Variants in SEMA6A observed in about 807,000 individuals in gnomAD.
The protein encoded by SEMA6A is semaphorin 6A.
SEMA6A carries 25 observed loss-of-function variants against 96.8 expected under a neutral mutation model. The observed-to-expected ratio is 0.26, with a 90% CI of 0.19 to 0.36. The LOEUF (loss-of-function observed/expected upper bound fraction) is 0.36. Among genes scored for constraint, SEMA6A ranks in the 10% least tolerant of loss-of-function variants. SEMA6A has a pLI of 1.00. For synonymous variants in SEMA6A, 612 were observed against 518.0 expected, an observed-to-expected ratio of 1.18 and a Z score of -2.46; for missense variants, 1,363 against 1,323.1, an observed-to-expected ratio of 1.03 and a Z score of -0.47.
chr5:116,452,937 A>C (rs1754736064), intron 18 of SEMA6A, among the ~76,000 whole-genome samples: 1 of 152,242 alleles, frequency 6.6e-6, no homozygotes, highest in Non-Finnish European at 1.5e-5. Context: ...GCAGGGAAGA[A>C]GGCAAGTGCT....
chr5:116,484,267 AC>A (rs1429654786), intron 10 of SEMA6A, among the ~76,000 whole-genome samples: 3 of 152,198 alleles, frequency 2.0e-5, no homozygotes, highest in Admixed American at 1.3e-4. Flanking sequence ...CCTCGTAATA[AC>A]TAAAGATATC....
In SEMA6A at chr5:116,444,507, A is replaced by G. The variant is rs1316861280; in HGVS notation, c.*2106T>C. ...GAGACCACCAAATATACTGTTTAAA[A>G]AAACAACAACAACACTGCTCATGGT... On this transcript the variant is annotated 3_prime_UTR_variant, in exon 19 of 19. Transcript: ENST00000343348. The G allele has an allele frequency of 6.6e-6, 1 of 152,120 alleles. No individual in the cohort carries two copies. Among genetic ancestry groups the G allele is most frequent in the Non-Finnish European group, 1.5e-5 (1 of 67,880 alleles). The allele number at this position is 152,120 out of a possible 1,614,324, so 9.4% of individuals were successfully genotyped here. A position where few individuals can be genotyped will look rare whatever the true frequency, so the allele number is the denominator to read the frequency against.
chr5:116,447,006 T>C lies in SEMA6A; in HGVS notation c.2700A>G (p.Leu900=). The change falls in exon 19 of 19, where the codon CTA becomes CTG. Residue 900 remains leucine, a synonymous_variant. Coordinates refer to ENST00000343348, the MANE Select transcript of SEMA6A (RefSeq NM_020796.5). ...AGTGGTGCATTTCCAGCCGCTTGCT[T>C]AGACCGGTCTGAGACAGGGAGGCTC... ...PPGASLSQTG[L]SKRLEMHHSS... is the part of the protein sequence containing the mutation. 1 of 1,613,882 alleles carries C rather than the reference T, an allele frequency of 6.2e-7. No individual in the cohort carries two copies. Among genetic ancestry groups the C allele is most frequent in the Non-Finnish European group, 8.5e-7 (1 of 1,179,862 alleles).
intron 2 of SEMA6A, among the ~76,000 whole-genome samples, chr5:116,503,655 A>G (rs971178994): frequency 1.1e-4 from 17 of 151,838 alleles, no homozygotes; most frequent in African/African-American, 4.1e-4. Flanking sequence ...AACTACAGGC[A>G]TGCACCACCA....
At chr5:116,572,230 C>T (rs1360455774) in intron 1 of SEMA6A, among the ~76,000 whole-genome samples, 2 of 152,100 alleles carry the variant, frequency 1.3e-5, no homozygotes, top group East Asian at 1.9e-4. Flanking sequence ...CGAGTGTGTG[C>T]GTGTGTGTGT....
At chr5:116,478,206 G>A (rs1013422830) in intron 13 of SEMA6A, 52 bp from the exon 14 acceptor site, 36 of 1,581,552 alleles carry the variant, frequency 2.3e-5, no homozygotes, top group Non-Finnish European at 2.7e-5. Flanking sequence ...TCTTTTTCTC[G>A]GCCCCACCCT....
At chr5:116,548,280 C>T (rs1760268377) in intron 1 of SEMA6A, among the ~76,000 whole-genome samples, 1 of 150,978 alleles carries the variant, frequency 6.6e-6, no homozygotes, top group Non-Finnish European at 1.5e-5. Context: ...ATGCCATGCC[C>T]AAGGTGGCTG....
intron 10 of SEMA6A, among the ~76,000 whole-genome samples, chr5:116,483,762 A>C (rs536207400): frequency 1.3e-5 from 2 of 152,310 alleles, no homozygotes; most frequent in Non-Finnish European, 2.9e-5. Context: ...TCACAGAATT[A>C]AGTGTATAAG....
intron 2 of SEMA6A, 81 bp from the exon 3 acceptor site, chr5:116,502,408 G>T: frequency 8.3e-7 from 1 of 1,208,368 alleles, no homozygotes. Context: ...AGGGAGACAG[G>T]TCACAAAAGA....
At chr5:116,453,142 C>T (rs1213887690) in intron 18 of SEMA6A, among the ~76,000 whole-genome samples, 1 of 152,208 alleles carries the variant, frequency 6.6e-6, no homozygotes, top group African/African-American at 2.4e-5. Flanking sequence ...TGAGTAATAG[C>T]AAATGGTCTA....
chr5:116,461,480 C>T (rs1182951237), intron 18 of SEMA6A, among the ~76,000 whole-genome samples: 2 of 96,810 alleles, frequency 2.1e-5, no homozygotes, highest in Non-Finnish European at 5.2e-5. Context: ...TGAAATAAAG[C>T]TTAGGCTTAA....
chr5:116,485,074 A>G (rs73254616), intron 10 of SEMA6A, among the ~76,000 whole-genome samples: 3,047 of 152,326 alleles, frequency 0.02, 108 homozygotes, highest in African/African-American at 0.069. Flanking sequence ...CAGAGGGACT[A>G]TAATTTATAG....
intron 7 of SEMA6A, among the ~76,000 whole-genome samples, chr5:116,491,522 T>TA (rs1028010812): frequency 5.3e-5 from 8 of 152,248 alleles, no homozygotes; most frequent in African/African-American, 1.9e-4. Context: ...GCTATGCTGT[T>TA]ATCCTTTCCT....
At chr5:116,466,597 G>A (rs1755773781) in intron 18 of SEMA6A, among the ~76,000 whole-genome samples, 2 of 152,138 alleles carry the variant, frequency 1.3e-5, no homozygotes, top group African/African-American at 4.8e-5. Flanking sequence ...TGACCGGAAA[G>A]CATTGTCTAA....
intron 1 of SEMA6A, among the ~76,000 whole-genome samples, chr5:116,559,874 C>T (rs1561536862): frequency 6.6e-6 from 1 of 152,186 alleles, no homozygotes; most frequent in African/African-American, 2.4e-5. Flanking sequence ...AACTCACAGT[C>T]CTAGCAGATT....
intron 1 of SEMA6A, among the ~76,000 whole-genome samples, chr5:116,513,354 C>T (rs141070930): frequency 0.013 from 2,027 of 152,094 alleles, 45 homozygotes; most frequent in African/African-American, 0.042. Flanking sequence ...CTCAAACTCC[C>T]AACCTCAGGT....
chr5:116,447,714 G>A lies in SEMA6A; in HGVS notation c.1992C>T (p.Val664=). 1.2e-5 allele frequency: 20 copies of A among 1,614,000 alleles called. No homozygotes were observed. Among genetic ancestry groups the A allele is most frequent in the Non-Finnish European group, 1.7e-5 (20 of 1,179,860 alleles). Residue 664 remains valine, a synonymous_variant, in exon 19 of 19, where the codon GTC becomes GTT. Transcript: ENST00000343348. ...CGCAGTAGACGGTGATGCCCGAGAAGACGGCCCCCATGACGAAAGCCAGGA... is the reference window on the plus strand; with the variant it reads ...CGCAGTAGACGGTGATGCCCGAGAAAACGGCCCCCATGACGAAAGCCAGGA... ...AVILAFVMGA[V]FSGITVYCVC...
chr5:116,531,646 T>A (rs137940157), intron 1 of SEMA6A, among the ~76,000 whole-genome samples: 104 of 152,262 alleles, frequency 6.8e-4, no homozygotes, highest in Admixed American at 9.8e-4. Flanking sequence ...TGTTCAGCCC[T>A]CTTATTCTTT....
chr5:116,534,799 C>G (rs1759638282), intron 1 of SEMA6A, among the ~76,000 whole-genome samples: 1 of 152,134 alleles, frequency 6.6e-6, no homozygotes, highest in Admixed American at 6.5e-5. Context: ...CTGCTTAGCC[C>G]AGGAATGGGC....
Sources: allele counts gnomAD v4.1 joint callset (sites outside exome capture counted in the v4.1 genomes callset), GRCh38; gene constraint gnomAD v4.1.1; transcripts MANE v1.5; gene names NCBI Gene and HGNC (gene_info 2026-07-23, HGNC 2026-07-21).